SCG5: variants seen among roughly 807,000 people sequenced by gnomAD.
The protein encoded by SCG5 is neuroendocrine protein 7B2.
Under a neutral mutation model 25.7 loss-of-function variants are expected in SCG5, and 18 were observed. The observed-to-expected ratio is 0.70, with a 90% CI of 0.48 to 1.04. The LOEUF is 1.04. Among genes scored for constraint, SCG5 ranks in the 50% least tolerant of loss-of-function variants. The pLI is 0.00. For missense variants in SCG5, 206 were observed against 259.8 expected, an observed-to-expected ratio of 0.79 and a Z score of 1.42; for synonymous variants, 101 against 91.7, an observed-to-expected ratio of 1.10 and a Z score of -0.58.
At position 32,668,143 on chromosome 15, in the gene SCG5, G is replaced by A. The variant is rs1194018587; in HGVS notation, c.227-11623G>A. 2.0e-5 allele frequency among the ~76,000 whole-genome samples: 3 copies of A among 152,270 alleles called. No homozygotes were observed. In the East Asian group the frequency reaches 5.8e-4, roughly 29 times the overall value. On this transcript the variant is annotated intron_variant, in intron 2 of 5. Transcript: ENST00000300175. ...TACACACCACGTGCCTTCTCCTCTCGAGGCTAGAATTAACCCTCACCCCAC... is the reference window on the plus strand; with the variant it reads ...TACACACCACGTGCCTTCTCCTCTCAAGGCTAGAATTAACCCTCACCCCAC...
intron 2 of SCG5, among the ~76,000 whole-genome samples, chr15:32,673,730 GGTTT>G (rs952127895): frequency 6.6e-5 from 10 of 151,908 alleles, no homozygotes; most frequent in East Asian, 3.9e-4. Context: ...ATTTAATATA[GGTTT>G]GTTTGTTTGT....
At chr15:32,663,079 A>ATAAAAT (rs1555434474) in intron 2 of SCG5, among the ~76,000 whole-genome samples, 1 of 66,022 alleles carries the variant, frequency 1.5e-5, no homozygotes, top group South Asian at 4.6e-4. Context: ...ATATATATAT[A>ATAAAAT]ATATATAATA....
At chr15:32,666,333 G>T (rs2054317742) in intron 2 of SCG5, 1 of 152,166 alleles carries the variant, frequency 6.6e-6, no homozygotes, top group Non-Finnish European at 1.5e-5. Context: ...CACATCTACT[G>T]GGCATTCTCA....
At chr15:32,662,862 G>C (rs563961699) in intron 2 of SCG5, among the ~76,000 whole-genome samples, 41 of 151,634 alleles carry the variant, frequency 2.7e-4, no homozygotes, top group Middle Eastern at 6.9e-3. Flanking sequence ...AGAGCGGAGA[G>C]CTGGGGAGAG....
intron 1 of SCG5, among the ~76,000 whole-genome samples, chr15:32,643,116 C>A (rs529032543): frequency 3.8e-4 from 58 of 152,346 alleles, no homozygotes; most frequent in Admixed American, 2.5e-3. Context: ...TCCCAACCTT[C>A]CTGAGCTTCT....
At chr15:32,655,022 G>A (rs1019670214) in intron 2 of SCG5, among the ~76,000 whole-genome samples, 2 of 152,102 alleles carry the variant, frequency 1.3e-5, no homozygotes, top group African/African-American at 2.4e-5. Flanking sequence ...AATATTTCTG[G>A]AGATTGCCGG....
intron 2 of SCG5, among the ~76,000 whole-genome samples, chr15:32,658,154 A>C (rs1471664539): frequency 6.6e-6 from 1 of 152,194 alleles, no homozygotes; most frequent in East Asian, 1.9e-4. Context: ...ACTGATATCC[A>C]GGGAATGGCA....
chr15:32,659,487 G>A (rs2054181390), intron 2 of SCG5, among the ~76,000 whole-genome samples: 1 of 152,166 alleles, frequency 6.6e-6, no homozygotes, highest in Non-Finnish European at 1.5e-5. Flanking sequence ...ACTTATCCAG[G>A]GCCTAAAATA....
intron 2 of SCG5, among the ~76,000 whole-genome samples, chr15:32,654,197 G>T (rs1210881093): frequency 6.6e-6 from 1 of 152,188 alleles, no homozygotes; most frequent in African/African-American, 2.4e-5. Context: ...CACAGACTAG[G>T]TGGCTTAAAT....
intron 3 of SCG5, among the ~76,000 whole-genome samples, chr15:32,683,727 TA>T (rs1309572535): frequency 6.6e-6 from 1 of 152,260 alleles, no homozygotes; most frequent in African/African-American, 2.4e-5. Context: ...AGCCTATCTA[TA>T]TCTTAGGAGC....
intron 4 of SCG5, among the ~76,000 whole-genome samples, chr15:32,686,016 G>A (rs147611276): frequency 3.7e-4 from 56 of 152,078 alleles, no homozygotes; most frequent in African/African-American, 1.2e-3. Flanking sequence ...TTTTTTCAGC[G>A]TCTTGCTTTA....
intron 2 of SCG5, among the ~76,000 whole-genome samples, chr15:32,671,519 C>G (rs1051393561): frequency 6.6e-6 from 1 of 152,136 alleles, no homozygotes; most frequent in Non-Finnish European, 1.5e-5. Flanking sequence ...CCTGCTCTTT[C>G]TCTTTGCCTC....
chr15:32,645,585 G>A (rs2053930404), intron 2 of SCG5, among the ~76,000 whole-genome samples: 1 of 152,160 alleles, frequency 6.6e-6, no homozygotes, highest in Non-Finnish European at 1.5e-5. Context: ...AGTGGATGGG[G>A]TGGCTATAAG....
rs572497180 is a variant in SCG5, at chr15:32,662,478, T to C, written c.227-17288T>C. 4.7e-5 allele frequency among the ~76,000 whole-genome samples: 7 copies of C among 148,566 alleles called. No individual in the cohort carries two copies. In the South Asian group the frequency reaches 1.5e-3, roughly 32 times the overall value. ...AAACAGAACATCTCTTCCTATTATA[T>C]AGCTTTTTGCTTTTCTTAGTCTCTG... On this transcript the variant is annotated intron_variant, in intron 2 of 5. Coordinates refer to ENST00000300175, the MANE Select transcript of SCG5 (RefSeq NM_001144757.3).
chr15:32,694,657 A>C (rs766435285), intron 5 of SCG5, among the ~76,000 whole-genome samples: 11 of 152,236 alleles, frequency 7.2e-5, no homozygotes, highest in Non-Finnish European at 1.3e-4. Flanking sequence ...ATTATTTTAA[A>C]TATTTCTAAG....
intron 2 of SCG5, among the ~76,000 whole-genome samples, chr15:32,655,707 C>A (rs1027783567): frequency 6.6e-6 from 1 of 152,208 alleles, no homozygotes; most frequent in African/African-American, 2.4e-5. Flanking sequence ...GATCCATGCC[C>A]TTATGAAAGA....
chr15:32,652,154 A>G (rs2054042416), intron 2 of SCG5, among the ~76,000 whole-genome samples: 1 of 152,174 alleles, frequency 6.6e-6, no homozygotes, highest in Admixed American at 6.5e-5. Flanking sequence ...ATCAGCAGAG[A>G]GGTCACATGA....
At chr15:32,642,047 G>C (rs1015887816) in intron 1 of SCG5, among the ~76,000 whole-genome samples, 24 of 152,096 alleles carry the variant, frequency 1.6e-4, no homozygotes, top group African/African-American at 5.8e-4. Flanking sequence ...GGAGAGCCTC[G>C]TGTCTGCCTC....
At chr15:32,668,926 C>T (rs2054368531) in intron 2 of SCG5, 1 of 152,256 alleles carries the variant, frequency 6.6e-6, no homozygotes, top group Non-Finnish European at 1.5e-5. Context: ...ATGCATTTAC[C>T]TGGCTCTGGT....
Sources: allele counts gnomAD v4.1 joint callset (sites outside exome capture counted in the v4.1 genomes callset), GRCh38; gene constraint gnomAD v4.1.1; transcripts MANE v1.5; gene names NCBI Gene and HGNC (gene_info 2026-07-23, HGNC 2026-07-21).